Variants in BLTP1 observed in about 807,000 individuals in gnomAD.
BLTP1 encodes fragile site-associated protein.
At chr4:122,276,086 A>G in the BLTP1 span, 1 of 1,364,270 alleles carries the variant, frequency 7.3e-7, no homozygotes, top group Admixed American at 2.6e-5. Context: ...TTTTTAAAAT[A>G]TTTAAATTTT....
At chr4:122,210,735 C>A in the BLTP1 span, 1 of 895,170 alleles carries the variant, frequency 1.1e-6, no homozygotes, top group East Asian at 2.8e-5. Flanking sequence ...TCTTTTAGGT[C>A]TGTTTTCATT....
the BLTP1 span, chr4:122,347,419 T>C: frequency 2.1e-6 from 3 of 1,415,508 alleles, no homozygotes; most frequent in Admixed American, 4.8e-5. Flanking sequence ...AGAAGGAATA[T>C]GTAATGTGAT....
chr4:122,196,432 C>CT, the BLTP1 span: 133 of 155,676 alleles, frequency 8.5e-4, 1 homozygote, highest in East Asian at 0.022. Context: ...CAAATTTTCT[C>CT]TTATGTCTCA....
the BLTP1 span, among the ~76,000 whole-genome samples, chr4:122,163,235 A>G: frequency 6.6e-6 from 1 of 152,192 alleles, no homozygotes; most frequent in African/African-American, 2.4e-5. Flanking sequence ...AAAGAAAGGG[A>G]TAGAAGTGAA....
At chr4:122,290,570 T>C in the BLTP1 span, among the ~76,000 whole-genome samples, 1 of 151,424 alleles carries the variant, frequency 6.6e-6, no homozygotes, top group African/African-American at 2.4e-5. Flanking sequence ...GGTGGATCAT[T>C]AGGTCAGGAG....
the BLTP1 span, among the ~76,000 whole-genome samples, chr4:122,241,053 A>C: frequency 6.6e-6 from 1 of 152,224 alleles, no homozygotes. Context: ...ATATCATTAC[A>C]AAGTGAGAAG....
At chr4:122,291,691 A>G in the BLTP1 span, 1 of 970,270 alleles carries the variant, frequency 1.0e-6, no homozygotes, top group African/African-American at 1.8e-5. Context: ...ATGTACAGCC[A>G]TCTTAGAAGC....
At chr4:122,188,245 G>A in the BLTP1 span, 1 of 659,582 alleles carries the variant, frequency 1.5e-6, no homozygotes, top group East Asian at 1.4e-4. Context: ...TTCTTTATAG[G>A]ATAAATGGAT....
chr4:122,196,603 A>G, the BLTP1 span: 1 of 1,543,844 alleles, frequency 6.5e-7, no homozygotes, highest in Non-Finnish European at 8.8e-7. Context: ...TTTGAATAAC[A>G]TGTCATTATT....
the BLTP1 span, chr4:122,209,861 A>T: frequency 6.2e-7 from 1 of 1,613,704 alleles, no homozygotes; most frequent in Non-Finnish European, 8.5e-7. Flanking sequence ...TGTCATGCTT[A>T]CAATTGATTA....
the BLTP1 span, chr4:122,291,841 G>A: frequency 2.0e-6 from 2 of 978,922 alleles, no homozygotes; most frequent in Non-Finnish European, 2.4e-6. Flanking sequence ...AGTATGTTTT[G>A]TGAATGGTTG....
chr4:122,271,841 G>A, the BLTP1 span: 1 of 748,610 alleles, frequency 1.3e-6, no homozygotes, highest in Non-Finnish European at 2.1e-6. Flanking sequence ...GAAATGGAGA[G>A]AAATTGTCTA....
chr4:122,308,188 A>T, the BLTP1 span: 2 of 1,609,546 alleles, frequency 1.2e-6, no homozygotes, highest in Non-Finnish European at 1.7e-6. Context: ...ATATTCCAGG[A>T]TTAAGAGCCA....
At chr4:122,169,408 G>C in the BLTP1 span, among the ~76,000 whole-genome samples, 2 of 152,034 alleles carry the variant, frequency 1.3e-5, no homozygotes, top group African/African-American at 4.8e-5. Flanking sequence ...GTAGTTATCT[G>C]TAAAAATCTC....
chr4:122,362,002 C>G, the BLTP1 span: 1 of 1,582,618 alleles, frequency 6.3e-7, no homozygotes, highest in Non-Finnish European at 8.6e-7. Context: ...CATTACACTC[C>G]TTAATAATAA....
At chr4:122,224,521 A>T in the BLTP1 span, 1 of 1,613,264 alleles carries the variant, frequency 6.2e-7, no homozygotes, top group South Asian at 1.1e-5. Flanking sequence ...TGGATGAAGT[A>T]CTCAGGGAAG....
chr4:122,212,710 G>A, the BLTP1 span, among the ~76,000 whole-genome samples: 1 of 152,030 alleles, frequency 6.6e-6, no homozygotes, highest in African/African-American at 2.4e-5. Context: ...TTTCATTTTA[G>A]ACTTGTTTAT....
the BLTP1 span, among the ~76,000 whole-genome samples, chr4:122,275,745 AG>A: frequency 2.6e-5 from 4 of 152,102 alleles, no homozygotes; most frequent in Non-Finnish European, 4.4e-5. Flanking sequence ...ATTATTTATT[AG>A]TTACTGCCAA....
At chr4:122,314,152 G>A in the BLTP1 span, 1 of 984,822 alleles carries the variant, frequency 1.0e-6, no homozygotes, top group Non-Finnish European at 1.2e-6. Flanking sequence ...CAAAGGACAG[G>A]ATAAATCTTT....
Sources: gnomAD v4.1 joint callset for allele counts (sites outside exome capture counted in the v4.1 genomes callset) on GRCh38, gnomAD v4.1.1 for gene constraint, MANE v1.5 for transcripts, NCBI Gene and HGNC (gene_info 2026-07-23, HGNC 2026-07-21) for gene names.